TGFB2: variants seen among roughly 807,000 people sequenced by gnomAD.
TGFB2 encodes transforming growth factor beta 2.
TGFB2 carries 13 observed loss-of-function variants against 42.7 expected under a neutral mutation model. The ratio of observed to expected loss-of-function variants is 0.30; its 90% CI spans 0.20 to 0.48. TGFB2 has a LOEUF of 0.48. Ranked by LOEUF, TGFB2 falls within the 20% of genes least tolerant of loss-of-function variation. The pLI is 0.99. For synonymous variants in TGFB2, 193 were observed against 193.6 expected (o/e 1.00, Z 0.03); for missense variants, 390 against 517.5 (o/e 0.75, Z 2.39).
chr1:218,420,638 C>T (rs572159331), intron 2 of TGFB2, among the ~76,000 whole-genome samples: 4 of 151,552 alleles, frequency 2.6e-5, no homozygotes, highest in South Asian at 2.1e-4. Context: ...GTGTTGTGTG[C>T]GTGTATGTGT....
At chr1:218,387,105 A>G (rs1447794054) in intron 1 of TGFB2, among the ~76,000 whole-genome samples, 1 of 152,178 alleles carries the variant, frequency 6.6e-6, no homozygotes, top group East Asian at 1.9e-4. Flanking sequence ...TTCAAGGATG[A>G]ATAGAATTTG....
intron 1 of TGFB2, among the ~76,000 whole-genome samples, chr1:218,384,592 A>G (rs1658069232): frequency 6.6e-6 from 1 of 152,184 alleles, no homozygotes; most frequent in African/African-American, 2.4e-5. Context: ...AGTTCTTGTG[A>G]GGCTTAAACG....
intron 1 of TGFB2, among the ~76,000 whole-genome samples, chr1:218,378,475 C>T (rs1290986461): frequency 6.6e-6 from 1 of 152,050 alleles, no homozygotes; most frequent in Non-Finnish European, 1.5e-5. Flanking sequence ...CTGCACCCGG[C>T]CATTTTTTGG....
At chr1:218,355,654 G>A (rs964821178) in intron 1 of TGFB2, among the ~76,000 whole-genome samples, 3 of 152,132 alleles carry the variant, frequency 2.0e-5, no homozygotes, top group African/African-American at 4.8e-5. Context: ...GAAGAACATC[G>A]ACTTTCTAGG....
At position 218,346,804 on chromosome 1, in the gene TGFB2, A is replaced by C; in HGVS notation, c.103A>C (p.Lys35Gln). The change falls in exon 1 of 7, where the codon AAG (lysine) becomes CAG (glutamine). Residue 35 changes from lysine to glutamine, a missense_variant. Transcript: ENST00000366930. This position sits in a 1 kb window ranked among gnomAD's most constrained non-coding sequence, Gnocchi z 4.9. ...STLDMDQFMR[K>Q]RIEAIRGQIL... The stretch of plus-strand genomic sequence containing the variant: ...ACTCGATATGGACCAGTTCATGCGC[A>C]AGAGGATCGAGGCGATCCGCGGGCA... The C allele has an allele frequency of 6.2e-7, 1 of 1,614,168 alleles. No individual in the cohort carries two copies. Among genetic ancestry groups the C allele is most frequent in the Non-Finnish European group, 8.5e-7 (1 of 1,180,024 alleles).
At chr1:218,367,558 A>G (rs941177302) in intron 1 of TGFB2, among the ~76,000 whole-genome samples, 8 of 152,188 alleles carry the variant, frequency 5.3e-5, no homozygotes, top group Non-Finnish European at 1.0e-4. Context: ...TAACTACCGT[A>G]GATTTTTTGG....
At chr1:218,367,984 G>A (rs1055130000) in intron 1 of TGFB2, among the ~76,000 whole-genome samples, 1 of 151,962 alleles carries the variant, frequency 6.6e-6, no homozygotes, top group African/African-American at 2.4e-5. Context: ...TGTATTTTTA[G>A]TAGCGACAGG....
chr1:218,408,566 A>G (rs1360654723), intron 2 of TGFB2, among the ~76,000 whole-genome samples: 1 of 152,216 alleles, frequency 6.6e-6, no homozygotes, highest in Non-Finnish European at 1.5e-5. Context: ...CTCCTGAAGC[A>G]CAGACAAGGT....
At chr1:218,412,904 A>G (rs1472536406) in intron 2 of TGFB2, among the ~76,000 whole-genome samples, 3 of 152,202 alleles carry the variant, frequency 2.0e-5, no homozygotes, top group Non-Finnish European at 4.4e-5. Flanking sequence ...GTGATGTATT[A>G]GGTTCATACA....
At chr1:218,405,140 T>A (rs1658864855) in intron 1 of TGFB2, 29 bp from the exon 2 acceptor site, 2 of 1,548,298 alleles carry the variant, frequency 1.3e-6, no homozygotes, top group African/African-American at 2.7e-5. Context: ...GATTTTATCA[T>A]TTTCAATGAT....
chr1:218,440,481 C>G (rs907007620), intron 6 of TGFB2, among the ~76,000 whole-genome samples: 3 of 151,960 alleles, frequency 2.0e-5, no homozygotes, highest in African/African-American at 7.3e-5. Context: ...CCAAGCTGGT[C>G]CTGAACTCCT....
intron 1 of TGFB2, among the ~76,000 whole-genome samples, chr1:218,358,763 C>T (rs1372050074): frequency 6.6e-6 from 1 of 152,038 alleles, no homozygotes; most frequent in African/African-American, 2.4e-5. Context: ...AGGATGGTCT[C>T]AGTCTCCTGA....
At chr1:218,357,366 G>A (rs890106021) in intron 1 of TGFB2, among the ~76,000 whole-genome samples, 5 of 152,214 alleles carry the variant, frequency 3.3e-5, no homozygotes, top group Non-Finnish European at 7.3e-5. Flanking sequence ...TGTTCACAGT[G>A]CAACATATTC....
chr1:218,435,592 T>C (rs189512097), intron 4 of TGFB2, among the ~76,000 whole-genome samples: 1 of 152,312 alleles, frequency 6.6e-6, no homozygotes, highest in East Asian at 1.9e-4. Flanking sequence ...TGACAAGGCA[T>C]GTTCTATTGC....
Position 218,346,056 on chromosome 1 carries a change from G to GCACACGCACACA in TGFB2, c.-641_-640insGCACACACACAC, listed in dbSNP as rs1553291857. 6.9e-6 allele frequency among the ~76,000 whole-genome samples: 1 copy of GCACACGCACACA among 145,604 alleles called. No homozygotes were observed. The highest frequency in any genetic ancestry group is 2.1e-4 in the East Asian group (1 of 4,744). Reference sequence around the variant, plus strand: ...GGGCTCGCCCCCAGCGCGCGCACACGCACACACACACACACACACACACAC... The same window carrying GCACACGCACACA: ...GGGCTCGCCCCCAGCGCGCGCACACGCACACGCACACACACACACACACACACACACACACAC... On this transcript the variant is annotated 5_prime_UTR_variant, in exon 1 of 7. Transcript: ENST00000366930. The surrounding 1 kb of genome is among the most constrained non-coding windows in gnomAD (Gnocchi z 4.9).
At chr1:218,419,478 A>G (rs994757485) in intron 2 of TGFB2, among the ~76,000 whole-genome samples, 1 of 152,144 alleles carries the variant, frequency 6.6e-6, no homozygotes, top group Non-Finnish European at 1.5e-5. Context: ...ATTATCTGCC[A>G]TATTTGATCT....
chr1:218,369,351 G>A (rs1360293967), intron 1 of TGFB2, among the ~76,000 whole-genome samples: 1 of 149,864 alleles, frequency 6.7e-6, no homozygotes, highest in African/African-American at 2.5e-5. Context: ...TCTTCGTGAT[G>A]CATCAGGATG....
intron 1 of TGFB2, among the ~76,000 whole-genome samples, chr1:218,394,829 G>A (rs564626503): frequency 6.6e-6 from 1 of 152,296 alleles, no homozygotes; most frequent in Admixed American, 6.5e-5. Context: ...AGTGTGCCAA[G>A]ACAAATTTCA....
intron 2 of TGFB2, among the ~76,000 whole-genome samples, chr1:218,415,453 G>A (rs1659242972): frequency 6.6e-6 from 1 of 151,950 alleles, no homozygotes; most frequent in Admixed American, 6.6e-5. Context: ...CCAGCACTTT[G>A]GGAGGCCGAG....
Sources: gnomAD v4.1 joint callset for allele counts (sites outside exome capture counted in the v4.1 genomes callset) on GRCh38, gnomAD v4.1.1 for gene constraint, Gnocchi (gnomAD v3.1) non-coding constraint, MANE v1.5 for transcripts, NCBI Gene and HGNC (gene_info 2026-07-23, HGNC 2026-07-21) for gene names.